Variants in SLCO1A2 observed in about 807,000 individuals in gnomAD.
SLCO1A2 encodes the protein OATP-1.
SLCO1A2 carries 67 observed loss-of-function variants against 69.0 expected under a neutral mutation model. The ratio of observed to expected loss-of-function variants is 0.97; its 90% CI spans 0.80 to 1.19. The LOEUF (loss-of-function observed/expected upper bound fraction) is 1.19, where lower values mean the gene tolerates loss of function less well. Among genes scored for constraint, SLCO1A2 ranks in the 50% most tolerant of loss-of-function variants. SLCO1A2 has a pLI of 0.00. For synonymous variants in SLCO1A2, 260 were observed against 265.9 expected (o/e 0.98, Z 0.22); for missense variants, 787 against 793.7 (o/e 0.99, Z 0.10).
chr12:21,314,116 T>C (rs1950566317), intron 4 of SLCO1A2, among the ~76,000 whole-genome samples: 1 of 152,168 alleles, frequency 6.6e-6, no homozygotes, highest in Non-Finnish European at 1.5e-5. Flanking sequence ...AGCTTTTTTG[T>C]AATAGTTTTT....
In SLCO1A2 at chr12:21,269,134, C is replaced by CA. The variant is rs1267862410; in HGVS notation, c.*413dup. 6.5e-6 allele frequency: 1 copy of CA among 154,410 alleles called. No homozygotes were observed. Among genetic ancestry groups the CA allele is most frequent in the African/African-American group, 2.4e-5 (1 of 41,450 alleles). The allele number at this position is 154,410 out of a possible 1,614,324, so 9.6% of individuals were successfully genotyped here. ...AACTTGAATAAAATATTTAAATCTTCACATAACAGAATGAGAATTTAGGCA... is the reference window on the plus strand; with the variant it reads ...AACTTGAATAAAATATTTAAATCTTCAACATAACAGAATGAGAATTTAGGCA... On this transcript the variant is annotated 3_prime_UTR_variant, in exon 15 of 15. Transcript: ENST00000683939.
rs144828278 is a variant in SLCO1A2, at chr12:21,310,760, G to A, written c.336-3772C>T. On this transcript the variant is annotated intron_variant, in intron 4 of 14. Transcript: ENST00000683939. ...TGGGACTACAGGTGCCAACCACCAC[G>A]CCTGGCTCATTTTTTTGTGTTTTTA... Among the ~76,000 whole-genome samples, 645 of 152,232 alleles carry A rather than the reference G, an allele frequency of 4.2e-3. 8 individuals are homozygous for A. The highest frequency in any genetic ancestry group is 0.015 in the African/African-American group (620 of 41,546).
At chr12:21,364,301 T>C (rs1435050110) in intron 2 of SLCO1A2, among the ~76,000 whole-genome samples, 2 of 152,146 alleles carry the variant, frequency 1.3e-5, no homozygotes, top group East Asian at 3.8e-4. Context: ...AAAAACCACA[T>C]GATTATCTCA....
intron 2 of SLCO1A2, among the ~76,000 whole-genome samples, chr12:21,370,486 G>A (rs1342332499): frequency 2.3e-5 from 2 of 85,182 alleles, no homozygotes; most frequent in Non-Finnish European, 4.3e-5. Context: ...CCCCTCCCCC[G>A]ACCCCACAAC....
chr12:21,331,088 A>T (rs1952584438), intron 2 of SLCO1A2, among the ~76,000 whole-genome samples: 1 of 152,134 alleles, frequency 6.6e-6, no homozygotes, highest in Admixed American at 6.6e-5. Context: ...TTTTATATAT[A>T]ATCCTTAAAT....
intron 13 of SLCO1A2, 115 bp from the exon 14 acceptor site, chr12:21,274,701 A>G: frequency 1.3e-6 from 1 of 787,164 alleles, no homozygotes; most frequent in South Asian, 1.9e-5. Flanking sequence ...CATAAATCTA[A>G]TGGTCTAAAT....
chr12:21,366,405 G>A (rs1468761086), intron 2 of SLCO1A2, among the ~76,000 whole-genome samples: 1 of 151,198 alleles, frequency 6.6e-6, no homozygotes, highest in East Asian at 2.0e-4. Flanking sequence ...GCCGGGGGGT[G>A]GGCGGGGGAG....
At position 21,306,886 on chromosome 12, in the gene SLCO1A2, T is replaced by C; in HGVS notation, c.438A>G (p.Pro146=). 6.2e-7 allele frequency: 1 copy of C among 1,611,374 alleles called. No individual in the cohort carries two copies. Among genetic ancestry groups the C allele is most frequent in the Non-Finnish European group, 8.5e-7 (1 of 1,177,688 alleles). Residue 146 remains proline, a synonymous_variant, in exon 5 of 15, where the codon CCA becomes CCG. Coordinates refer to ENST00000683939, the MANE Select transcript of SLCO1A2 (RefSeq NM_001386879.1). ...GTQILRPTQD[P]SECTKEVKSL... Reference sequence around the variant, plus strand: ...CAATACAATGAAGTAGACAACCTGATGGATCCTGCGTTGGTCTTAAAATCT... The same window carrying C: ...CAATACAATGAAGTAGACAACCTGACGGATCCTGCGTTGGTCTTAAAATCT...
intron 12 of SLCO1A2, among the ~76,000 whole-genome samples, chr12:21,281,543 A>G (rs181501718): frequency 1.3e-5 from 2 of 152,254 alleles, no homozygotes; most frequent in Admixed American, 1.3e-4. Context: ...AAGAAAAGAA[A>G]TAATAAAGAT....
chr12:21,416,033 C>T (rs1323642720), intron 1 of SLCO1A2, among the ~76,000 whole-genome samples: 1 of 152,120 alleles, frequency 6.6e-6, no homozygotes, highest in Non-Finnish European at 1.5e-5. Context: ...ATAGTATCCT[C>T]TGTTCTTTTG....
At chr12:21,297,224 TCCTTCC>T (rs1342872524) in intron 9 of SLCO1A2, among the ~76,000 whole-genome samples, 174 bp downstream of exon 9, 29 of 125,010 alleles carry the variant, frequency 2.3e-4, no homozygotes, top group African/African-American at 9.3e-4. Flanking sequence ...CTTCCTTCTT[TCCTTCC>T]TTCTTTCTTT....
chr12:21,334,728 A>G lies in SLCO1A2; in HGVS notation c.-62-19T>C. ...TTCTACCCTTTCAAGCAAACAAAAA[A>G]ATATGTTAAATTAACTACAAAATTG... is the stretch of plus-strand genomic sequence containing the variant. On this transcript the variant is annotated intron_variant, in intron 1 of 14. Transcript: ENST00000683939. The G allele has an allele frequency of 9.2e-7, 1 of 1,087,936 alleles. No homozygotes were observed. Among genetic ancestry groups the G allele is most frequent in the South Asian group, 1.5e-5 (1 of 67,566 alleles). 67.4% of individuals were successfully genotyped at this position (1,087,936 alleles called of 1,614,324 possible). A position where few individuals can be genotyped will look rare whatever the true frequency, so the allele number is the denominator to read the frequency against.
intron 12 of SLCO1A2, among the ~76,000 whole-genome samples, chr12:21,291,177 A>G (rs1303050298): frequency 6.6e-6 from 1 of 152,166 alleles, no homozygotes; most frequent in African/African-American, 2.4e-5. Flanking sequence ...ACTCTCATGC[A>G]GTGATGATAT....
chr12:21,417,751 G>C (rs545931989), intron 1 of SLCO1A2: 1 of 152,024 alleles, frequency 6.6e-6, no homozygotes, highest in Non-Finnish European at 1.5e-5. Flanking sequence ...GTTAAATCAC[G>C]AAGTTTCCTA....
intron 2 of SLCO1A2, among the ~76,000 whole-genome samples, chr12:21,345,515 C>A (rs1246070230): frequency 6.6e-6 from 1 of 152,030 alleles, no homozygotes; most frequent in African/African-American, 2.4e-5. Context: ...CCTAAAAAAT[C>A]AAATCATTAT....
intron 14 of SLCO1A2, among the ~76,000 whole-genome samples, chr12:21,272,101 T>A (rs945824302): frequency 6.6e-6 from 1 of 151,608 alleles, no homozygotes; most frequent in Non-Finnish European, 1.5e-5. Context: ...TTATAGACTT[T>A]CATCTCCATT....
intron 9 of SLCO1A2, among the ~76,000 whole-genome samples, chr12:21,296,450 CCAGGCTGGTCTTGA>C (rs1947724869): frequency 6.6e-6 from 1 of 152,134 alleles, no homozygotes; most frequent in African/African-American, 2.4e-5. Flanking sequence ...GCTATGTTGT[CCAGGCTGGTCTTGA>C]ACTCCTGGCC....
intron 9 of SLCO1A2, among the ~76,000 whole-genome samples, chr12:21,296,733 T>A (rs1024843393): frequency 6.6e-6 from 1 of 152,196 alleles, no homozygotes; most frequent in Non-Finnish European, 1.5e-5. Flanking sequence ...ATCATATTAT[T>A]GAGAGAGCTT....
intron 1 of SLCO1A2, among the ~76,000 whole-genome samples, chr12:21,381,335 C>A (rs1333659582): frequency 6.6e-6 from 1 of 151,780 alleles, no homozygotes; most frequent in Non-Finnish European, 1.5e-5. Context: ...AATAAATAAT[C>A]CCATTGAAAA....
Sources: gnomAD v4.1 joint callset for allele counts (sites outside exome capture counted in the v4.1 genomes callset) on GRCh38, gnomAD v4.1.1 for gene constraint, MANE v1.5 for transcripts, NCBI Gene and HGNC (gene_info 2026-07-23, HGNC 2026-07-21) for gene names.